MDFIC2: variants seen among roughly 807,000 people sequenced by gnomAD.
MDFIC2 encodes myoD family inhibitor domain-containing protein 2.
intron 2 of MDFIC2, among the ~76,000 whole-genome samples, chr3:70,310,752 G>T (rs1336356690): frequency 6.6e-6 from 1 of 152,150 alleles, no homozygotes; most frequent in Non-Finnish European, 1.5e-5. Context: ...TGGAGGTGTT[G>T]ATTTCAACAC....
At chr3:70,208,631 G>A (rs753519944) in intron 2 of MDFIC2, among the ~76,000 whole-genome samples, 35 of 152,128 alleles carry the variant, frequency 2.3e-4, no homozygotes, top group Middle Eastern at 3.4e-3. Context: ...GAACCACGAT[G>A]CCAGGGATCT....
chr3:70,263,685 C>G (rs1047854413), intron 2 of MDFIC2, among the ~76,000 whole-genome samples: 2 of 152,142 alleles, frequency 1.3e-5, no homozygotes, highest in East Asian at 3.8e-4. Flanking sequence ...ATTTATCTAC[C>G]GAGCTCCCTT....
At chr3:70,290,577 G>T (rs1329966756) in intron 2 of MDFIC2, among the ~76,000 whole-genome samples, 2 of 152,252 alleles carry the variant, frequency 1.3e-5, no homozygotes, top group African/African-American at 2.4e-5. Flanking sequence ...TTGAGCTGTG[G>T]TGGGCTCCAC....
At chr3:70,203,028 G>C (rs1701256962) in intron 3 of MDFIC2, among the ~76,000 whole-genome samples, 1 of 152,052 alleles carries the variant, frequency 6.6e-6, no homozygotes, top group East Asian at 1.9e-4. Context: ...GGAGGGATAA[G>C]AGCACCCACA....
At chr3:70,221,172 C>T (rs939371872) in intron 2 of MDFIC2, among the ~76,000 whole-genome samples, 3 of 152,106 alleles carry the variant, frequency 2.0e-5, no homozygotes, top group Admixed American at 6.6e-5. Context: ...CCGTAGATGT[C>T]AGTGAGTTTC....
intron 2 of MDFIC2, among the ~76,000 whole-genome samples, chr3:70,217,477 G>A (rs1576158916): frequency 6.6e-6 from 1 of 152,172 alleles, no homozygotes; most frequent in Middle Eastern, 3.4e-3. Flanking sequence ...GTACCAAGAG[G>A]GATTGGGAGA....
At chr3:70,263,685 C>T (rs1047854413) in intron 2 of MDFIC2, among the ~76,000 whole-genome samples, 1 of 152,142 alleles carries the variant, frequency 6.6e-6, no homozygotes, top group Non-Finnish European at 1.5e-5. Context: ...ATTTATCTAC[C>T]GAGCTCCCTT....
At chr3:70,215,290 T>TA (rs1158891141) in intron 2 of MDFIC2, among the ~76,000 whole-genome samples, 1 of 152,062 alleles carries the variant, frequency 6.6e-6, no homozygotes, top group Non-Finnish European at 1.5e-5. Flanking sequence ...TACTTGAACT[T>TA]ACGTCTTCTA....
chr3:70,253,416 G>A (rs1701787797), intron 2 of MDFIC2, among the ~76,000 whole-genome samples: 1 of 152,206 alleles, frequency 6.6e-6, no homozygotes, highest in Non-Finnish European at 1.5e-5. Context: ...TAGAATACCA[G>A]AGCCTTGGCT....
intron 2 of MDFIC2, among the ~76,000 whole-genome samples, chr3:70,311,207 C>T (rs766157327): frequency 2.6e-5 from 4 of 152,070 alleles, no homozygotes; most frequent in Non-Finnish European, 5.9e-5. Context: ...CTGAAAAAGA[C>T]GCAGCATACC....
intron 2 of MDFIC2, among the ~76,000 whole-genome samples, chr3:70,229,438 G>A (rs925322519): frequency 2.0e-5 from 3 of 152,144 alleles, no homozygotes; most frequent in African/African-American, 7.2e-5. Flanking sequence ...TGGTGACAGA[G>A]ACTAGCTAGA....
chr3:70,257,312 T>A (rs942156218), intron 2 of MDFIC2, among the ~76,000 whole-genome samples: 2 of 152,188 alleles, frequency 1.3e-5, no homozygotes, highest in African/African-American at 4.8e-5. Context: ...AATGGAGATA[T>A]TGGGGAAGAA....
At chr3:70,270,573 A>G (rs1231535132) in intron 2 of MDFIC2, among the ~76,000 whole-genome samples, 2 of 152,162 alleles carry the variant, frequency 1.3e-5, no homozygotes, top group African/African-American at 4.8e-5. Flanking sequence ...CAGTGTTTGC[A>G]GAAAGTTGGC....
At chr3:70,224,381 T>C (rs1701485282) in intron 2 of MDFIC2, among the ~76,000 whole-genome samples, 1 of 152,184 alleles carries the variant, frequency 6.6e-6, no homozygotes, top group African/African-American at 2.4e-5. Context: ...GCTGCTTTAT[T>C]TCATTATGTT....
chr3:70,200,193 C>T (rs1438943798), intron 3 of MDFIC2, among the ~76,000 whole-genome samples: 1 of 152,204 alleles, frequency 6.6e-6, no homozygotes, highest in Admixed American at 6.5e-5. Context: ...ACCAGCAGGT[C>T]AACAGCAATA....
chr3:70,252,687 G>A (rs6549306), intron 2 of MDFIC2, among the ~76,000 whole-genome samples: 151,377 of 152,342 alleles, frequency 0.99, 75,217 homozygotes, highest in Non-Finnish European at 1. Context: ...ATTGCCCTAT[G>A]TTTATTTATT....
At chr3:70,249,794 A>G (rs1420267718) in intron 2 of MDFIC2, 4 of 152,160 alleles carry the variant, frequency 2.6e-5, no homozygotes, top group African/African-American at 9.7e-5. Flanking sequence ...AGTTGCTAAG[A>G]TACGGTAGTT....
chr3:70,308,335 G>A (rs1702422532), intron 2 of MDFIC2, among the ~76,000 whole-genome samples: 1 of 151,948 alleles, frequency 6.6e-6, no homozygotes, highest in Admixed American at 6.6e-5. Context: ...GAGATTATAG[G>A]CATGAGTCAC....
intron 2 of MDFIC2, among the ~76,000 whole-genome samples, chr3:70,283,283 T>C (rs1053130451): frequency 2.6e-5 from 4 of 152,016 alleles, no homozygotes; most frequent in Admixed American, 2.6e-4. Context: ...GATTGCTTTT[T>C]GGTTGGTCTG....
Sources: gnomAD v4.1 joint callset for allele counts (sites outside exome capture counted in the v4.1 genomes callset) on GRCh38, gnomAD v4.1.1 for gene constraint, MANE v1.5 for transcripts, NCBI Gene and HGNC (gene_info 2026-07-23, HGNC 2026-07-21) for gene names.